AFAP1L1: variants seen among roughly 807,000 people sequenced by gnomAD.
AFAP1L1 encodes actin filament-associated protein 1-like 1.
AFAP1L1 carries 77 observed loss-of-function variants against 99.8 expected under a neutral mutation model. The observed-to-expected ratio is 0.77, with a 90% confidence interval of 0.64 to 0.93. The LOEUF (loss-of-function observed/expected upper bound fraction) is 0.93. Ranked by LOEUF, AFAP1L1 falls within the 40% of genes least tolerant of loss-of-function variation. The pLI, the probability that AFAP1L1 is intolerant of heterozygous loss-of-function variation, is 0.00. For synonymous variants in AFAP1L1, 373 were observed against 395.3 expected (o/e 0.94, Z 0.67); for missense variants, 893 against 996.8 (o/e 0.90, Z 1.40).
chr5:149,290,628 T>C (rs926325190), intron 1 of AFAP1L1, among the ~76,000 whole-genome samples: 1 of 152,230 alleles, frequency 6.6e-6, no homozygotes, highest in Non-Finnish European at 1.5e-5. Context: ...GTGAGGGATA[T>C]AAGTTGAACA....
chr5:149,317,619 A>T, intron 11 of AFAP1L1, 110 bp from the exon 12 acceptor site: 1 of 1,114,502 alleles, frequency 9.0e-7, no homozygotes, highest in Non-Finnish European at 1.3e-6. Flanking sequence ...GGGGAAAGAG[A>T]GCTGACCAGG....
chr5:149,281,814 G>C (rs919110843), intron 1 of AFAP1L1, among the ~76,000 whole-genome samples: 6 of 152,218 alleles, frequency 3.9e-5, no homozygotes, highest in African/African-American at 9.6e-5. Flanking sequence ...GGCTGACTAG[G>C]TAAAGATTTC....
At chr5:149,324,744 C>T (rs1757047457) in intron 15 of AFAP1L1, among the ~76,000 whole-genome samples, 2 of 152,184 alleles carry the variant, frequency 1.3e-5, no homozygotes, top group African/African-American at 4.8e-5. Flanking sequence ...TCTAAGATGG[C>T]TCACTGCATG....
intron 14 of AFAP1L1, 35 bp from the exon 15 acceptor site, chr5:149,322,571 C>T (rs1381569432): frequency 1.3e-6 from 2 of 1,508,500 alleles, no homozygotes; most frequent in South Asian, 2.4e-5. Flanking sequence ...TCTGCGCCTG[C>T]CTGAACTTGA....
intron 6 of AFAP1L1, among the ~76,000 whole-genome samples, 161 bp from the exon 7 acceptor site, chr5:149,307,241 C>T (rs1427013819): frequency 2.6e-5 from 4 of 151,410 alleles, no homozygotes; most frequent in South Asian, 4.2e-4. Flanking sequence ...AGCGAGATTC[C>T]GTCTCCAAAA....
intron 12 of AFAP1L1, among the ~76,000 whole-genome samples, chr5:149,318,726 TTTGGCAA>T (rs765300704): frequency 6.6e-6 from 1 of 152,180 alleles, no homozygotes; most frequent in African/African-American, 2.4e-5. Context: ...ATGGCAACCC[TTTGGCAA>T]TTTAGAATTT....
At chr5:149,312,334 C>G in intron 9 of AFAP1L1, 130 bp downstream of exon 9, 1 of 846,924 alleles carries the variant, frequency 1.2e-6, no homozygotes, top group Non-Finnish European at 2.0e-6. Flanking sequence ...CAGCACAGAG[C>G]TGGCACAACA....
intron 18 of AFAP1L1, 28 bp downstream of exon 18, chr5:149,335,750 A>C (rs575291168): frequency 1.2e-6 from 2 of 1,604,264 alleles, no homozygotes; most frequent in Admixed American, 1.7e-5. Flanking sequence ...CTCCTCAAAA[A>C]TCAGAGATCT....
At position 149,322,780 on chromosome 5, in the gene AFAP1L1, G is replaced by A. The variant is rs570566460; in HGVS notation, c.1810+63G>A. 4.4e-6 allele frequency: 6 copies of A among 1,366,720 alleles called. No homozygotes were observed. In the Admixed American group the frequency reaches 1.2e-4, roughly 27 times the overall value. 84.7% of individuals were successfully genotyped at this position (1,366,720 alleles called of 1,614,324 possible). A position where few individuals can be genotyped will look rare whatever the true frequency, so the allele number is the denominator to read the frequency against. On this transcript the variant is annotated intron_variant, in intron 15 of 18. Coordinates refer to ENST00000296721, the MANE Select transcript of AFAP1L1 (RefSeq NM_152406.4). ...GAAGGAAAGGAAGCAGTCTATAGGA[G>A]GGATCTCAAAATCAGTTTCCCTGGT...
Position 149,331,622 on chromosome 5 carries a change from G to GA in AFAP1L1, c.1976-1058dup, listed in dbSNP as rs751022773. The stretch of plus-strand genomic sequence containing the variant: ...GTGACAGAGCGAGACTCCGTCTCAA[G>GA]AAAAAAAAAAAAAAATTGAATAAGC... On this transcript the variant is annotated intron_variant, in intron 16 of 18. Coordinates refer to ENST00000296721, the MANE Select transcript of AFAP1L1 (RefSeq NM_152406.4). Among the ~76,000 whole-genome samples the GA allele has an allele frequency of 4.4e-3, 541 of 123,106 alleles. 1 individual carries two copies. Among genetic ancestry groups the GA allele is most frequent in the Non-Finnish European group, 4.2e-3 (240 of 56,610 alleles). 80.8% of individuals were successfully genotyped at this position (123,106 alleles called of 152,430 possible).
intron 1 of AFAP1L1, among the ~76,000 whole-genome samples, chr5:149,287,561 T>C (rs1755721146): frequency 6.6e-6 from 1 of 152,048 alleles, no homozygotes; most frequent in Non-Finnish European, 1.5e-5. Flanking sequence ...TTTGTCCACC[T>C]GAGGTTCTAT....
At chr5:149,329,953 C>T in intron 16 of AFAP1L1, 123 bp downstream of exon 16, 1 of 783,610 alleles carries the variant, frequency 1.3e-6, no homozygotes, top group Non-Finnish European at 1.9e-6. Flanking sequence ...CTTCTCCTCC[C>T]CTCCTCCTTC....
chr5:149,305,853 A>C (rs1756388623), intron 5 of AFAP1L1, among the ~76,000 whole-genome samples: 1 of 150,702 alleles, frequency 6.6e-6, no homozygotes, highest in South Asian at 2.1e-4. Flanking sequence ...CCTGCAGTGC[A>C]AAAATCAGAG....
At chr5:149,312,835 A>C (rs1756678787) in intron 9 of AFAP1L1, among the ~76,000 whole-genome samples, 1 of 151,838 alleles carries the variant, frequency 6.6e-6, no homozygotes, top group African/African-American at 2.4e-5. Context: ...AAAGAGAAAG[A>C]GAAGGAGTAG....
chr5:149,326,594 A>AT (rs1757105211), intron 15 of AFAP1L1, among the ~76,000 whole-genome samples: 1 of 150,358 alleles, frequency 6.7e-6, no homozygotes, highest in Non-Finnish European at 1.5e-5. Flanking sequence ...TTAAAAAGAA[A>AT]TTTTTTAAAA....
chr5:149,311,302 C>T (rs554909642), intron 8 of AFAP1L1, among the ~76,000 whole-genome samples: 2 of 152,264 alleles, frequency 1.3e-5, no homozygotes, highest in South Asian at 2.1e-4. Context: ...GTACCCTCCA[C>T]GAGCTGGTTG....
chr5:149,336,092 A>G (rs79509958), intron 18 of AFAP1L1, among the ~76,000 whole-genome samples: 91 of 152,212 alleles, frequency 6.0e-4, no homozygotes, highest in African/African-American at 1.9e-3. Context: ...TTCCAATTCT[A>G]AGTCCATGGC....
At chr5:149,335,456 C>A in intron 17 of AFAP1L1, 138 bp from the exon 18 acceptor site, 1 of 1,192,422 alleles carries the variant, frequency 8.4e-7, no homozygotes, top group Non-Finnish European at 1.1e-6. Context: ...CCACTGCGCT[C>A]CCGCCTGGGT....
rs147330700 is a variant in AFAP1L1 at position 149,313,506 on chromosome 5, G to A, written c.1020+1302G>A. 4.4e-4 allele frequency among the ~76,000 whole-genome samples: 67 copies of A among 152,312 alleles called. No individual in the cohort carries two copies. In the East Asian group the frequency reaches 4.6e-3, roughly 11 times the overall value. ...CAAGGTCACATAGTAAATAAGAACC[G>A]TAGCCAGGATTTGAACCCAGACAGT... On this transcript the variant is annotated intron_variant, in intron 9 of 18. Transcript: ENST00000296721.
Sources: gnomAD v4.1 joint callset for allele counts (sites outside exome capture counted in the v4.1 genomes callset) on GRCh38, gnomAD v4.1.1 for gene constraint, MANE v1.5 for transcripts, NCBI Gene and HGNC (gene_info 2026-07-23, HGNC 2026-07-21) for gene names.